The following HYDIN variants were observed in gnomAD, a reference collection of about 807,000 sequenced individuals.
HYDIN encodes the protein HYDIN axonemal central pair apparatus protein.
In HYDIN, 132 loss-of-function variants were observed where a neutral mutation model predicts 403.9. That is an observed-to-expected ratio of 0.33 (90% CI 0.28 to 0.38). The LOEUF (loss-of-function observed/expected upper bound fraction) is 0.38. Among genes scored for constraint, HYDIN ranks in the 10% least tolerant of loss-of-function variants. The pLI, the probability that HYDIN is intolerant of heterozygous loss-of-function variation, is 1.00. For missense variants in HYDIN, 2,827 were observed against 5,009.5 expected (o/e 0.56, Z 13.15); for synonymous variants, 1,202 against 1,891.7 (o/e 0.64, Z 9.46).
chr16:71,071,480 C>T (rs1490825158), intron 13 of HYDIN, among the ~76,000 whole-genome samples: 1 of 151,150 alleles, frequency 6.6e-6, no homozygotes, highest in African/African-American at 2.4e-5. Context: ...TTTATAGGGT[C>T]TAGTAGATAA....
chr16:70,945,168 G>T (rs189642080), intron 41 of HYDIN, among the ~76,000 whole-genome samples: 1 of 152,356 alleles, frequency 6.6e-6, no homozygotes, highest in African/African-American at 2.4e-5. Context: ...GAGGATGGTG[G>T]TGGTGACTGA....
At chr16:71,176,407 T>C (rs1040446196) in intron 4 of HYDIN, among the ~76,000 whole-genome samples, 10 of 152,106 alleles carry the variant, frequency 6.6e-5, no homozygotes, top group Non-Finnish European at 1.3e-4. Context: ...ATTTGAGCAT[T>C]TGAGAACTGC....
intron 9 of HYDIN, among the ~76,000 whole-genome samples, chr16:71,123,928 T>A (rs1325012353): frequency 6.6e-6 from 1 of 152,240 alleles, no homozygotes; most frequent in Non-Finnish European, 1.5e-5. Context: ...GTGAGTCCAT[T>A]AAACCTCTTT....
chr16:70,938,831 G>C (rs2077579408), intron 43 of HYDIN, 76 bp from the exon 44 acceptor site: 1 of 1,522,308 alleles, frequency 6.6e-7, no homozygotes, highest in Middle Eastern at 1.7e-4. Context: ...AGGCGGAGTA[G>C]GGTCTTAGTG....
At chr16:70,925,546 A>G (rs2077126539) in intron 45 of HYDIN, among the ~76,000 whole-genome samples, 1 of 152,244 alleles carries the variant, frequency 6.6e-6, no homozygotes. Context: ...GGACATAGGC[A>G]TGGGCAAGGG....
intron 18 of HYDIN, among the ~76,000 whole-genome samples, chr16:71,054,355 C>G (rs973500087): frequency 2.0e-5 from 3 of 152,264 alleles, no homozygotes; most frequent in Non-Finnish European, 4.4e-5. Context: ...CTAATCTACT[C>G]ATTGAAGCCT....
At chr16:71,036,802 C>G (rs907667) in intron 18 of HYDIN, among the ~76,000 whole-genome samples, 18 of 151,602 alleles carry the variant, frequency 1.2e-4, no homozygotes, top group African/African-American at 3.9e-4. Flanking sequence ...CACGAGTCAG[C>G]CTCGAAACTA....
rs572175150 is a variant in HYDIN, at chr16:71,021,478, G to A, written c.3187-1161C>T. Among the ~76,000 whole-genome samples the A allele has an allele frequency of 5.3e-5, 8 of 152,236 alleles. No homozygotes were observed. In the South Asian group the frequency reaches 1.7e-3, roughly 32 times the overall value. ...GATCCACCCGCCTCAGCCTCCCAAAGTGCTGGGATTACAGGTGTGAGCCAC... is the reference window on the plus strand; with the variant it reads ...GATCCACCCGCCTCAGCCTCCCAAAATGCTGGGATTACAGGTGTGAGCCAC... On this transcript the variant is annotated intron_variant, in intron 21 of 85. Coordinates refer to ENST00000393567, the MANE Select transcript of HYDIN (RefSeq NM_001270974.2).
At chr16:70,902,821 A>ATATATATATATTTTTTTTTT in intron 52 of HYDIN, among the ~76,000 whole-genome samples, 1 of 47,316 alleles carries the variant, frequency 2.1e-5, no homozygotes, top group Non-Finnish European at 3.6e-5. Context: ...ATATATATAT[A>ATATATATATATTTTTTTTTT]TTTTTTTTTT....
Position 70,829,838 on chromosome 16 carries a change from A to C in HYDIN, c.13900-8T>G. 6.2e-7 allele frequency: 1 copy of C among 1,613,358 alleles called. No homozygotes were observed. The highest frequency in any genetic ancestry group is 1.7e-5 in the Admixed American group (1 of 60,002). On this transcript the variant is annotated splice_region_variant and splice_polypyrimidine_tract_variant and intron_variant, in intron 80 of 85. Transcript: ENST00000393567. ...GCACGTGAAATTCACTACCTGGAAG[A>C]AAGCAGGCACCTCATCTTCCATGGC...
chr16:70,976,647 T>A (rs1279998928), intron 30 of HYDIN, among the ~76,000 whole-genome samples: 1 of 151,952 alleles, frequency 6.6e-6, no homozygotes, highest in African/African-American at 2.4e-5. Context: ...AAAACCCTTT[T>A]TTTTTCAATT....
chr16:71,178,478 C>T (rs2086774502), intron 4 of HYDIN, among the ~76,000 whole-genome samples: 1 of 143,368 alleles, frequency 7.0e-6, no homozygotes. Flanking sequence ...CACACACATA[C>T]ATATATATAT....
intron 6 of HYDIN, among the ~76,000 whole-genome samples, chr16:71,161,993 G>C (rs1202521442): frequency 2.1e-5 from 2 of 95,510 alleles, no homozygotes; most frequent in African/African-American, 1.3e-4. Context: ...TGAGGGCCAT[G>C]AGCCAAGGAA....
chr16:71,138,285 G>C (rs2085014210), intron 7 of HYDIN, among the ~76,000 whole-genome samples: 1 of 79,918 alleles, frequency 1.3e-5, no homozygotes, highest in Admixed American at 1.3e-4. Flanking sequence ...TTATTTTTTA[G>C]CAAACATTTC....
At chr16:70,887,196 C>T (rs936442865) in intron 58 of HYDIN, among the ~76,000 whole-genome samples, 21 of 152,188 alleles carry the variant, frequency 1.4e-4, no homozygotes, top group Non-Finnish European at 8.8e-5. Flanking sequence ...TGTCCACATC[C>T]TAATCTCTGG....
intron 1 of HYDIN, among the ~76,000 whole-genome samples, chr16:71,222,809 A>C (rs2098746): frequency 0.35 from 53,040 of 152,128 alleles, 9,715 homozygotes; most frequent in East Asian, 0.58. Context: ...TCTACGCGGA[A>C]AACTAAAAAG....
intron 10 of HYDIN, among the ~76,000 whole-genome samples, chr16:71,111,489 A>C (rs1289457851): frequency 6.6e-6 from 1 of 152,142 alleles, no homozygotes; most frequent in African/African-American, 2.4e-5. Flanking sequence ...AAGGGAAACA[A>C]TTTGAGTCAG....
At chr16:70,947,459 T>C (rs1269199882) in intron 41 of HYDIN, among the ~76,000 whole-genome samples, 1 of 136,774 alleles carries the variant, frequency 7.3e-6, no homozygotes, top group African/African-American at 2.7e-5. Flanking sequence ...TTATTGAGGA[T>C]TTTTGCATCA....
intron 1 of HYDIN, among the ~76,000 whole-genome samples, chr16:71,195,386 G>A (rs1455344693): frequency 1.3e-5 from 2 of 152,082 alleles, no homozygotes; most frequent in Non-Finnish European, 2.9e-5. Context: ...TACAGTGAGG[G>A]CAAGGGCTAC....
Sources: gnomAD v4.1 joint callset for allele counts (sites outside exome capture counted in the v4.1 genomes callset) on GRCh38, gnomAD v4.1.1 for gene constraint, MANE v1.5 for transcripts, NCBI Gene and HGNC (gene_info 2026-07-23, HGNC 2026-07-21) for gene names.